LYPD6B: variants seen among roughly 807,000 people sequenced by gnomAD.
LYPD6B encodes ly6/PLAUR domain-containing protein 6B.
Under a neutral mutation model 22.8 loss-of-function variants are expected in LYPD6B, and 17 were observed. That is an observed-to-expected ratio of 0.75 (90% CI 0.51 to 1.12). LYPD6B has a LOEUF of 1.12. LYPD6B is among the 50% of genes most tolerant of loss of function. The pLI is 0.00. For missense variants in LYPD6B, 221 were observed against 258.3 expected (o/e 0.86, Z 0.99); for synonymous variants, 106 against 91.6 (o/e 1.16, Z -0.90).
intron 1 of LYPD6B, among the ~76,000 whole-genome samples, chr2:149,116,574 C>A (rs185768976): frequency 6.6e-6 from 1 of 152,096 alleles, no homozygotes; most frequent in Admixed American, 6.5e-5. Flanking sequence ...CCACTTTGAC[C>A]CTTTTCTCAT....
intron 3 of LYPD6B, among the ~76,000 whole-genome samples, chr2:149,167,052 GT>G (rs1690471403): frequency 1.3e-5 from 2 of 150,648 alleles, no homozygotes; most frequent in African/African-American, 4.9e-5. Flanking sequence ...TCTGCATTAA[GT>G]GTTTTTTTTT....
At position 149,214,799 on chromosome 2, in the gene LYPD6B, C is replaced by A. The variant is rs1559086050; in HGVS notation, c.*89C>A. 1.4e-6 allele frequency: 2 copies of A among 1,394,808 alleles called. No homozygotes were observed. The highest frequency in any genetic ancestry group is 1.4e-5 in the African/African-American group (1 of 70,742). 86.4% of individuals were successfully genotyped at this position (1,394,808 alleles called of 1,614,324 possible). A position where few individuals can be genotyped will look rare whatever the true frequency, so the allele number is the denominator to read the frequency against. ...GGTGAACTTTGGAGTGAAGATCAAT[C>A]TTGCACTTGGTGAAGAGTGCACATT... is the stretch of plus-strand genomic sequence containing the variant. On this transcript the variant is annotated 3_prime_UTR_variant, in exon 7 of 7. Coordinates refer to ENST00000409642, the MANE Select transcript of LYPD6B (RefSeq NM_177964.5).
chr2:149,149,572 T>G (rs1454038046), intron 2 of LYPD6B, among the ~76,000 whole-genome samples: 2 of 152,214 alleles, frequency 1.3e-5, no homozygotes, highest in Non-Finnish European at 2.9e-5. Context: ...TACCTGCCTT[T>G]GAGGAATTTA....
rs386391471 is a variant in LYPD6B, at chr2:149,135,719, C to CAAAA, written c.5+4790_5+4793dup. Reference sequence around the variant, plus strand: ...TGGGCAACAGAGGGAGACCATGTCTCAAAAAAAAAAAAAAAAAAAAAAAAA... The same window carrying CAAAA: ...TGGGCAACAGAGGGAGACCATGTCTCAAAAAAAAAAAAAAAAAAAAAAAAAAAAA... On this transcript the variant is annotated intron_variant, in intron 2 of 6. Transcript: ENST00000409642. Among the ~76,000 whole-genome samples the CAAAA allele has an allele frequency of 9.0e-4, 29 of 32,216 alleles. 1 individual carries two copies. The highest frequency in any genetic ancestry group is 1.1e-3 in the African/African-American group (11 of 9,780). 21.1% of individuals were successfully genotyped at this position (32,216 alleles called of 152,430 possible).
At chr2:149,064,090 TG>T (rs1216376398) in intron 1 of LYPD6B, among the ~76,000 whole-genome samples, 2 of 152,356 alleles carry the variant, frequency 1.3e-5, no homozygotes, top group African/African-American at 4.8e-5. Context: ...TTATACTGAT[TG>T]TTTTTTATAC....
intron 1 of LYPD6B, among the ~76,000 whole-genome samples, chr2:149,117,563 T>C (rs1687069635): frequency 6.6e-6 from 1 of 152,188 alleles, no homozygotes. Flanking sequence ...GGAATTAGTG[T>C]GGCATTTTGG....
intron 2 of LYPD6B, among the ~76,000 whole-genome samples, chr2:149,141,300 A>G (rs1446319583): frequency 6.6e-6 from 1 of 152,200 alleles, no homozygotes; most frequent in Admixed American, 6.5e-5. Context: ...GCAGGGCCAC[A>G]ATTGTACTTG....
At chr2:149,088,806 T>C (rs970663350) in intron 1 of LYPD6B, among the ~76,000 whole-genome samples, 4 of 152,192 alleles carry the variant, frequency 2.6e-5, no homozygotes, top group Non-Finnish European at 5.9e-5. Flanking sequence ...TATTTAACTT[T>C]GTTAGGGCCA....
At chr2:149,204,010 T>G (rs1693341491) in intron 3 of LYPD6B, among the ~76,000 whole-genome samples, 1 of 152,214 alleles carries the variant, frequency 6.6e-6, no homozygotes, top group East Asian at 1.9e-4. Flanking sequence ...ACCTTTTTCC[T>G]TTGAAATATT....
chr2:149,104,653 A>T (rs576398050), intron 1 of LYPD6B, among the ~76,000 whole-genome samples: 1 of 152,180 alleles, frequency 6.6e-6, no homozygotes. Flanking sequence ...ATCTTTTATT[A>T]TAATCTGTGG....
At chr2:149,146,518 G>C (rs370905060) in intron 2 of LYPD6B, among the ~76,000 whole-genome samples, 2 of 152,204 alleles carry the variant, frequency 1.3e-5, no homozygotes, top group East Asian at 3.8e-4. Context: ...GCCACGCCAG[G>C]CTGTGTGAAA....
Position 149,214,917 on chromosome 2 carries a change from A to G in LYPD6B, c.*207A>G. ...GATGGGAATTTGGCAGGGCCTGAGA[A>G]GATGGTCTGACTTCCAGGCTTCCTG... On this transcript the variant is annotated 3_prime_UTR_variant, in exon 7 of 7. Coordinates refer to ENST00000409642, the MANE Select transcript of LYPD6B (RefSeq NM_177964.5). 1 of 580,790 alleles carries G rather than the reference A, an allele frequency of 1.7e-6. No individual in the cohort carries two copies. The allele number at this position is 580,790 out of a possible 1,614,324, so 36.0% of individuals were successfully genotyped here. A position where few individuals can be genotyped will look rare whatever the true frequency, so the allele number is the denominator to read the frequency against.
intron 2 of LYPD6B, among the ~76,000 whole-genome samples, chr2:149,152,167 T>C (rs185752956): frequency 4.6e-5 from 7 of 152,342 alleles, no homozygotes; most frequent in Admixed American, 3.9e-4. Flanking sequence ...GTATAGGTCA[T>C]TGTTATTCAC....
rs554743364 is a variant in LYPD6B at position 149,198,919 on chromosome 2, A to G, written c.78-6334A>G. On this transcript the variant is annotated intron_variant, in intron 3 of 6. Transcript: ENST00000409642. ...TTACAGAATATTAGAAGTGGAAGGG[A>G]CCTTGGCAGTCATTCATTCCAACTT... is the stretch of plus-strand genomic sequence containing the variant. Among the ~76,000 whole-genome samples the G allele has an allele frequency of 2.6e-5, 4 of 152,304 alleles. No individual in the cohort carries two copies. In the East Asian group the frequency reaches 7.7e-4, roughly 29 times the overall value.
In LYPD6B at chr2:149,096,390, C is replaced by T. The variant is rs573704439; in HGVS notation, c.-66-34493C>T. Among the ~76,000 whole-genome samples, 7 of 152,220 alleles carry T rather than the reference C, an allele frequency of 4.6e-5. No homozygotes were observed. The South Asian group carries it at 6.2e-4, about 14-fold the overall frequency. The stretch of plus-strand genomic sequence containing the variant: ...GAATTCCCTCTTTGTGAGTTATCAC[C>T]GCACAAATGTAAGTTTGTTGAATGT... On this transcript the variant is annotated intron_variant, in intron 1 of 6. Coordinates refer to ENST00000409642, the MANE Select transcript of LYPD6B (RefSeq NM_177964.5).
chr2:149,195,448 G>T (rs538529051), intron 3 of LYPD6B, among the ~76,000 whole-genome samples: 1 of 152,324 alleles, frequency 6.6e-6, no homozygotes, highest in East Asian at 1.9e-4. Flanking sequence ...CAAATGCTAT[G>T]AGAACTACTG....
intron 4 of LYPD6B, among the ~76,000 whole-genome samples, chr2:149,206,813 A>T (rs1435497407): frequency 2.6e-5 from 4 of 152,074 alleles, no homozygotes; most frequent in Non-Finnish European, 4.4e-5. Context: ...TTCCCTCTTT[A>T]TACATATTTT....
chr2:149,075,592 A>G (rs1684844690), intron 1 of LYPD6B, among the ~76,000 whole-genome samples: 1 of 152,230 alleles, frequency 6.6e-6, no homozygotes, highest in Non-Finnish European at 1.5e-5. Context: ...AAGAAAACTC[A>G]TTTATTTTTT....
intron 1 of LYPD6B, among the ~76,000 whole-genome samples, chr2:149,114,978 T>C (rs1559005783): frequency 6.6e-6 from 1 of 152,158 alleles, no homozygotes. Flanking sequence ...CTCGCTCTGT[T>C]GCCCAGGCTG....
Sources: gnomAD v4.1 joint callset for allele counts (sites outside exome capture counted in the v4.1 genomes callset) on GRCh38, gnomAD v4.1.1 for gene constraint, MANE v1.5 for transcripts, NCBI Gene and HGNC (gene_info 2026-07-23, HGNC 2026-07-21) for gene names.